Variants in PFDN1 observed in about 807,000 individuals in gnomAD.
PFDN1 encodes prefoldin 1.
PFDN1 carries 6 observed loss-of-function variants against 17.3 expected under a neutral mutation model. The ratio of observed to expected loss-of-function variants is 0.35; its 90% CI spans 0.19 to 0.69. The LOEUF is 0.69. Among genes scored for constraint, PFDN1 ranks in the 30% least tolerant of loss-of-function variants. The pLI, the probability that PFDN1 is intolerant of heterozygous loss-of-function variation, is 0.65. For synonymous variants in PFDN1, 58 were observed against 50.1 expected, an observed-to-expected ratio of 1.16 and a Z score of -0.67; for missense variants, 113 against 146.2, an observed-to-expected ratio of 0.77 and a Z score of 1.17.
intron 1 of PFDN1, among the ~76,000 whole-genome samples, chr5:140,300,838 C>A (rs1301977967): frequency 6.6e-6 from 1 of 152,118 alleles, no homozygotes; most frequent in Admixed American, 6.5e-5. Flanking sequence ...GTAGCAAGTA[C>A]TCAAGGAGTA....
intron 3 of PFDN1, among the ~76,000 whole-genome samples, chr5:140,253,833 G>A (rs570437299): frequency 6.6e-6 from 1 of 152,210 alleles, no homozygotes; most frequent in Non-Finnish European, 1.5e-5. Context: ...GGCTCTCCAA[G>A]TGCAGTCCTC....
At chr5:140,258,972 G>A (rs1279994072) in intron 3 of PFDN1, among the ~76,000 whole-genome samples, 1 of 152,148 alleles carries the variant, frequency 6.6e-6, no homozygotes, top group Non-Finnish European at 1.5e-5. Context: ...ACAATAAGAG[G>A]ACTTAGCCTT....
Position 140,300,518 on chromosome 5 carries a change from T to A in PFDN1, c.98A>T (p.Gln33Leu), listed in dbSNP as rs759885900. The change falls in exon 2 of 4, where the codon CAG (glutamine) becomes CTG (leucine). Residue 33 changes from glutamine (Q) to leucine (L), a missense_variant. Gln to Leu is a moderately radical substitution (Grantham distance 113). Coordinates refer to ENST00000261813, the MANE Select transcript of PFDN1 (RefSeq NM_002622.5). ...TTTCGTTCTGTTTAGCTGTTCAATC[T>A]GTATGTCTGCGAGCTTCACCTTCTG... ...TQQKVKLADI[Q>L]IEQLNRTKKH... The A allele has an allele frequency of 3.1e-6, 5 of 1,613,384 alleles. No homozygotes were observed.
intron 2 of PFDN1, 44 bp from the exon 3 acceptor site, chr5:140,281,577 G>T: frequency 3.2e-6 from 3 of 944,910 alleles, no homozygotes; most frequent in South Asian, 2.6e-5. Flanking sequence ...CATGACTATT[G>T]AATTCATCGA....
At position 140,277,098 on chromosome 5, in the gene PFDN1, T is replaced by C. The variant is rs185028513; in HGVS notation, c.285+4351A>G. On this transcript the variant is annotated intron_variant, in intron 3 of 3. Transcript: ENST00000261813. ...TTAGCTGGGCATAGTGGCACATGCC[T>C]GTAGTCCCAGCTACTCAGGAGGCTG... is the stretch of plus-strand genomic sequence containing the variant. Among the ~76,000 whole-genome samples, 214 of 152,106 alleles carry C rather than the reference T, an allele frequency of 1.4e-3. 3 individuals carry two copies. The highest frequency in any genetic ancestry group is 6.5e-3 in the Admixed American group (100 of 15,274).
chr5:140,279,015 G>C (rs993469741), intron 3 of PFDN1, among the ~76,000 whole-genome samples: 3 of 63,898 alleles, frequency 4.7e-5, no homozygotes, highest in Non-Finnish European at 8.4e-5. Flanking sequence ...CATGATGATG[G>C]GAATCAAAAA....
At position 140,295,407 on chromosome 5, in the gene PFDN1, G is replaced by A. The variant is rs115255895; in HGVS notation, c.200+5009C>T. Among the ~76,000 whole-genome samples, 1,297 of 152,190 alleles carry A rather than the reference G, an allele frequency of 8.5e-3. 24 individuals carry two copies. The highest frequency in any genetic ancestry group is 0.03 in the African/African-American group (1,267 of 41,542). ...AATATTCACATAACATTTAAGATTTGTCTATTCCCTCCTTGCATGCTAGAA... is the reference window on the plus strand; with the variant it reads ...AATATTCACATAACATTTAAGATTTATCTATTCCCTCCTTGCATGCTAGAA... On this transcript the variant is annotated intron_variant, in intron 2 of 3. Coordinates refer to ENST00000261813, the MANE Select transcript of PFDN1 (RefSeq NM_002622.5).
rs148559268 is a variant in PFDN1, at chr5:140,261,832, G to A, written c.286-15775C>T. Among the ~76,000 whole-genome samples the A allele has an allele frequency of 7.2e-4, 110 of 152,188 alleles. No homozygotes were observed. In the Middle Eastern group the frequency reaches 0.02, roughly 28 times the overall value. On this transcript the variant is annotated intron_variant, in intron 3 of 3. Transcript: ENST00000261813. ...AGGATCTTTGCTCATAGCTCTCGGT[G>A]TTCTGAGGGGTATTGAGAGGTCAGG... is the stretch of plus-strand genomic sequence containing the variant.
intron 2 of PFDN1, among the ~76,000 whole-genome samples, chr5:140,287,566 G>A (rs1765516466): frequency 6.6e-6 from 1 of 152,136 alleles, no homozygotes; most frequent in Non-Finnish European, 1.5e-5. Flanking sequence ...ATAGGGCTCG[G>A]CAGGGAAAAT....
intron 2 of PFDN1, among the ~76,000 whole-genome samples, chr5:140,291,823 G>A (rs1765586955): frequency 6.6e-6 from 1 of 152,272 alleles, no homozygotes; most frequent in South Asian, 2.1e-4. Flanking sequence ...GCCAAGGTAA[G>A]AACGTGCTTC....
At chr5:140,280,160 G>A (rs1388539832) in intron 3 of PFDN1, among the ~76,000 whole-genome samples, 1 of 151,798 alleles carries the variant, frequency 6.6e-6, no homozygotes, top group Non-Finnish European at 1.5e-5. Context: ...ACAAATGTTT[G>A]TTTTTTGTTT....
intron 3 of PFDN1, among the ~76,000 whole-genome samples, chr5:140,268,139 G>C (rs543778653): frequency 1.3e-5 from 2 of 152,266 alleles, no homozygotes; most frequent in East Asian, 3.9e-4. Flanking sequence ...AAAGTGAGCT[G>C]GGAGAAACCT....
At chr5:140,252,129 C>T (rs931426638) in intron 3 of PFDN1, among the ~76,000 whole-genome samples, 1 of 152,034 alleles carries the variant, frequency 6.6e-6, no homozygotes, top group East Asian at 1.9e-4. Flanking sequence ...ACCCCCACCC[C>T]ACTCCCATTT....
intron 2 of PFDN1, among the ~76,000 whole-genome samples, chr5:140,297,824 A>C (rs1765676065): frequency 6.6e-6 from 1 of 152,202 alleles, no homozygotes; most frequent in Non-Finnish European, 1.5e-5. Flanking sequence ...AAAAATTAAA[A>C]CTTCACTGTA....
In PFDN1 at chr5:140,285,375, T is replaced by C. The variant is rs554372826; in HGVS notation, c.201-3842A>G. Among the ~76,000 whole-genome samples the C allele has an allele frequency of 1.3e-4, 20 of 151,954 alleles. No individual in the cohort carries two copies. In the East Asian group the frequency reaches 3.9e-3, roughly 29 times the overall value. On this transcript the variant is annotated intron_variant, in intron 2 of 3. Transcript: ENST00000261813. ...AAAAAAAAAAAAAAGAATGAGCCTA[T>C]CTTGCTTCTTTGCCTAACTCCACTG...
chr5:140,253,270 T>C (rs1032660371), intron 3 of PFDN1, among the ~76,000 whole-genome samples: 2 of 152,066 alleles, frequency 1.3e-5, no homozygotes, highest in African/African-American at 4.8e-5. Context: ...AGGTGTGCTT[T>C]TACCTGCCGA....
chr5:140,299,639 TTTAA>T (rs1357775673), intron 2 of PFDN1, among the ~76,000 whole-genome samples: 1 of 151,944 alleles, frequency 6.6e-6, no homozygotes, highest in East Asian at 1.9e-4. Context: ...ACTTAAACAC[TTTAA>T]TTAATCTACC....
At chr5:140,247,290 A>AT (rs754490930) in intron 3 of PFDN1, among the ~76,000 whole-genome samples, 2,528 of 142,154 alleles carry the variant, frequency 0.018, 22 homozygotes, top group African/African-American at 0.035. Context: ...TGCCCGGCTA[A>AT]TTTTTTTTTT....
At chr5:140,265,505 T>C (rs1291529245) in intron 3 of PFDN1, among the ~76,000 whole-genome samples, 4 of 152,174 alleles carry the variant, frequency 2.6e-5, no homozygotes, top group Non-Finnish European at 5.9e-5. Flanking sequence ...GAGTTCCAGA[T>C]TCATATATCC....
Sources: allele counts gnomAD v4.1 joint callset (sites outside exome capture counted in the v4.1 genomes callset), GRCh38; gene constraint gnomAD v4.1.1; transcripts MANE v1.5; gene names NCBI Gene and HGNC (gene_info 2026-07-23, HGNC 2026-07-21).